The following SSB variants were observed in gnomAD, a reference collection of about 807,000 sequenced individuals.
The protein encoded by SSB is small RNA binding exonuclease protection factor La, also known as lupus La protein.
A neutral mutation model predicts 52.9 loss-of-function variants in SSB; 17 were observed. That is an observed-to-expected ratio of 0.32 (90% confidence interval 0.22 to 0.48). The LOEUF is 0.48. SSB is among the 20% of genes least tolerant of loss of function. The pLI is 0.99. For missense variants in SSB, 314 were observed against 463.6 expected, an observed-to-expected ratio of 0.68 and a Z score of 2.96; for synonymous variants, 111 against 152.1, an observed-to-expected ratio of 0.73 and a Z score of 1.99.
At chr2:169,806,764 A>C (rs759224561) in intron 4 of SSB, 21 bp from the exon 5 acceptor site, 2 of 1,555,136 alleles carry the variant, frequency 1.3e-6, no homozygotes, top group East Asian at 2.2e-5. Flanking sequence ...TTATTTGTAC[A>C]TTTCTTCCCA....
At chr2:169,809,501 T>C (rs1689899066) in intron 8 of SSB, among the ~76,000 whole-genome samples, 1 of 152,266 alleles carries the variant, frequency 6.6e-6, no homozygotes, top group South Asian at 2.1e-4. Context: ...ATTCTAATCA[T>C]AGGTTAATAC....
chr2:169,808,591 C>A (rs1384550389), intron 7 of SSB, 38 bp downstream of exon 7: 7 of 1,548,224 alleles, frequency 4.5e-6, no homozygotes, highest in Non-Finnish European at 6.2e-6. Flanking sequence ...AATTTGAATT[C>A]CTTAAAGCTC....
At chr2:169,804,240 CTTTTTT>C (rs11447613) in intron 2 of SSB, among the ~76,000 whole-genome samples, 2 of 95,342 alleles carry the variant, frequency 2.1e-5, no homozygotes, top group Non-Finnish European at 3.8e-5. Context: ...TTTACTTTAA[CTTTTTT>C]TTTTTTTTTT....
chr2:169,812,025 A>T lies in SSB; in HGVS notation c.*269A>T. The stretch of plus-strand genomic sequence containing the variant: ...GTAATATGAGAATGTATTAGTACAA[A>T]CTAACTAATAAAATATATACTATAT... On this transcript the variant is annotated 3_prime_UTR_variant, in exon 12 of 12. Coordinates refer to ENST00000260956, the MANE Select transcript of SSB (RefSeq NM_003142.5). 1 of 747,040 alleles carries T rather than the reference A, an allele frequency of 1.3e-6. No individual in the cohort carries two copies. Among genetic ancestry groups the T allele is most frequent in the African/African-American group, 1.8e-5 (1 of 56,362 alleles). The allele number at this position is 747,040 out of a possible 1,614,324, so 46.3% of individuals were successfully genotyped here.
chr2:169,799,383 GGAGGGTTCTGTGGAGCCTA>G (rs937206663), intron 1 of SSB: 1 of 151,048 alleles, frequency 6.6e-6, no homozygotes, highest in Non-Finnish European at 1.5e-5. Flanking sequence ...GGTAAACGCC[GGAGGGTTCTGTGGAGCCTA>G]TGGGACTGAC....
chr2:169,811,752 A>C lies in SSB; in HGVS notation c.1223A>C (p.Gln408Pro), dbSNP rs777460087. ...QQKTENGAGD[Q>P] is the part of the protein sequence containing the mutation. ...AAAACAGAAAATGGTGCTGGAGACC[A>C]GTAGTTTAGTAAACCAATTTTTTAT... Residue 408 changes from glutamine to proline, a missense_variant, in exon 12 of 12, where the codon CAG becomes CCG. Transcript: ENST00000260956. 1.4e-5 allele frequency: 23 copies of C among 1,613,116 alleles called. No individual in the cohort carries two copies. The South Asian group carries it at 2.5e-4, about 18-fold the overall frequency.
intron 9 of SSB, 34 bp downstream of exon 9, chr2:169,810,457 G>C: frequency 1.3e-6 from 2 of 1,557,638 alleles, no homozygotes; most frequent in Non-Finnish European, 1.7e-6. Flanking sequence ...TTAGCAATCA[G>C]TTTGAAAATC....
At chr2:169,801,719 C>T (rs1282462691) in intron 2 of SSB, among the ~76,000 whole-genome samples, 4 of 151,494 alleles carry the variant, frequency 2.6e-5, no homozygotes, top group Admixed American at 1.3e-4. Flanking sequence ...TTTTTAGTAG[C>T]GACAGGGTTT....
rs267599002 is a variant in SSB at position 169,805,524 on chromosome 2, G to C, written c.117G>C (p.Gln39His). The change falls in exon 3 of 12, where the codon CAG becomes CAC. Residue 39 changes from glutamine (Q) to histidine (H), a missense_variant. Coordinates refer to ENST00000260956, the MANE Select transcript of SSB (RefSeq NM_003142.5). Reference protein sequence around the residue: ...NLPRDKFLKEQIKLDEGWVPL... With the variant: ...NLPRDKFLKEHIKLDEGWVPL... ...CACGGGACAAGTTTCTAAAGGAACA[G>C]ATAAAACTGGATGAAGGCTGGGTAC... is the stretch of plus-strand genomic sequence containing the variant. 6.2e-7 allele frequency: 1 copy of C among 1,613,978 alleles called. No homozygotes were observed. Among genetic ancestry groups the C allele is most frequent in the East Asian group, 2.2e-5 (1 of 44,852 alleles).
intron 2 of SSB, among the ~76,000 whole-genome samples, chr2:169,802,191 G>T (rs894790907): frequency 6.6e-6 from 1 of 152,080 alleles, no homozygotes; most frequent in Non-Finnish European, 1.5e-5. Context: ...TTCAGGGGGC[G>T]AGGGGAAGAA....
In SSB at chr2:169,807,873, C is replaced by A. The variant is rs1689860882; in HGVS notation, c.555-609C>A. Among the ~76,000 whole-genome samples, 4 of 150,212 alleles carry A rather than the reference C, an allele frequency of 2.7e-5. No individual in the cohort carries two copies. In the Admixed American group the frequency reaches 2.7e-4, roughly 10 times the overall value. ...TTTCATGATAAAATTAGGTGTAGGG[C>A]CATAGTTCCCTACTTTAGAAGACTG... On this transcript the variant is annotated intron_variant, in intron 6 of 11. Coordinates refer to ENST00000260956, the MANE Select transcript of SSB (RefSeq NM_003142.5).
intron 2 of SSB, among the ~76,000 whole-genome samples, chr2:169,802,314 A>G (rs2105697176): frequency 6.6e-6 from 1 of 151,180 alleles, no homozygotes; most frequent in Admixed American, 6.6e-5. Context: ...TACAATATCG[A>G]TAATGGTTGC....
chr2:169,806,033 T>TGATCATGGC (rs1188718879), intron 4 of SSB, 194 bp downstream of exon 4: 2 of 644,942 alleles, frequency 3.1e-6, no homozygotes, highest in Non-Finnish European at 5.6e-6. Flanking sequence ...TGCAGTGGTG[T>TGATCATGGC]GATCATGGCC....
chr2:169,803,425 T>G (rs1299451930), intron 2 of SSB, among the ~76,000 whole-genome samples: 1 of 152,126 alleles, frequency 6.6e-6, no homozygotes, highest in Non-Finnish European at 1.5e-5. Flanking sequence ...AATTTTTGTA[T>G]TTTTAGTGGA....
At chr2:169,804,234 C>CT (rs1283659712) in intron 2 of SSB, among the ~76,000 whole-genome samples, 1 of 115,612 alleles carries the variant, frequency 8.6e-6, no homozygotes, top group Non-Finnish European at 1.7e-5. Flanking sequence ...GAAACATTTA[C>CT]TTTAACTTTT....
chr2:169,810,224 C>G, intron 8 of SSB, 59 bp from the exon 9 acceptor site: 1 of 1,368,706 alleles, frequency 7.3e-7, no homozygotes, highest in Non-Finnish European at 1.0e-6. Context: ...TGGTGTGAGT[C>G]ATTTCTGGTC....
intron 4 of SSB, 28 bp from the exon 5 acceptor site, chr2:169,806,757 T>C (rs1689837764): frequency 1.3e-6 from 2 of 1,528,330 alleles, no homozygotes; most frequent in Admixed American, 3.9e-5. Context: ...TTATTTGTTA[T>C]TTGTACATTT....
chr2:169,799,594 G>A (rs1689664272), intron 1 of SSB: 1 of 152,166 alleles, frequency 6.6e-6, no homozygotes, highest in South Asian at 2.1e-4. Context: ...AGGCCAAATA[G>A]GTTTTGCAGG....
Position 169,808,394 on chromosome 2 carries a change from T to G in SSB, c.555-88T>G, listed in dbSNP as rs72878180. On this transcript the variant is annotated intron_variant, in intron 6 of 11. Coordinates refer to ENST00000260956, the MANE Select transcript of SSB (RefSeq NM_003142.5). ...GATAGTAAGCGTGTGCAACATTCATTGCTGTGCCATGTCTTAAGTTATTCA... is the reference window on the plus strand; with the variant it reads ...GATAGTAAGCGTGTGCAACATTCATGGCTGTGCCATGTCTTAAGTTATTCA... The G allele has an allele frequency of 5.7e-3, 5,761 of 1,017,390 alleles. 29 individuals carry two copies. Among genetic ancestry groups the G allele is most frequent in the Non-Finnish European group, 7.8e-3 (5,212 of 670,176 alleles). The allele number at this position is 1,017,390 out of a possible 1,614,324, so 63.0% of individuals were successfully genotyped here.
Sources: gnomAD v4.1 joint callset for allele counts (sites outside exome capture counted in the v4.1 genomes callset) on GRCh38, gnomAD v4.1.1 for gene constraint, MANE v1.5 for transcripts, NCBI Gene and HGNC (gene_info 2026-07-23, HGNC 2026-07-21) for gene names.